The following PCM1 variants were observed in gnomAD, a reference collection of about 807,000 sequenced individuals.
PCM1 encodes pericentriolar material 1, also known as pericentriolar material 1 protein.
In PCM1, 157 loss-of-function variants were observed where a neutral mutation model predicts 241.9. That is an observed-to-expected ratio of 0.65 (90% CI 0.57 to 0.74). The LOEUF is 0.74. Ranked by LOEUF, PCM1 falls within the 30% of genes least tolerant of loss-of-function variation. The pLI is 0.00. For synonymous variants in PCM1, 1,085 were observed against 784.9 expected, an observed-to-expected ratio of 1.38 and a Z score of -6.39; for missense variants, 3,478 against 2,360.1, an observed-to-expected ratio of 1.47 and a Z score of -9.81.
At chr8:17,940,828 T>C (rs2061792463) in intron 6 of PCM1, among the ~76,000 whole-genome samples, 1 of 152,188 alleles carries the variant, frequency 6.6e-6, no homozygotes, top group Non-Finnish European at 1.5e-5. Context: ...GCTAGGGTGT[T>C]TTTAGGCATT....
chr8:17,950,464 A>G (rs2065613518), intron 7 of PCM1, 151 bp from the exon 8 acceptor site: 2 of 578,322 alleles, frequency 3.5e-6, no homozygotes, highest in East Asian at 2.9e-5. Context: ...TAATAAAATG[A>G]TTGTTGGCAG....
intron 29 of PCM1, among the ~76,000 whole-genome samples, chr8:17,994,053 C>T (rs1177820162): frequency 6.6e-6 from 1 of 152,134 alleles, no homozygotes; most frequent in Non-Finnish European, 1.5e-5. Flanking sequence ...TCCAGTTATA[C>T]TCTTTTAGTT....
Position 18,025,648 on chromosome 8 carries a change from A to G in PCM1, c.6039A>G (p.Leu2013=), listed in dbSNP as rs368370125. 33 of 1,534,216 alleles carry G rather than the reference A, an allele frequency of 2.2e-5. No homozygotes were observed. The highest frequency in any genetic ancestry group is 2.7e-5 in the African/African-American group (2 of 73,082). ...TEELAGNSET[L]KEPETVGAQS... ...AATTAGCTGGAAATTCTGAGACACT[A>G]AAAGAACCTGGTAAGAGTTATCAAT... The change falls in exon 38 of 39, where the codon CTA becomes CTG. Residue 2013 remains leucine, a synonymous_variant. Transcript: ENST00000325083.
At chr8:17,954,165 C>T (rs1016542856) in intron 9 of PCM1, among the ~76,000 whole-genome samples, 5 of 152,128 alleles carry the variant, frequency 3.3e-5, no homozygotes, top group South Asian at 2.1e-4. Context: ...TGGTGGCTCA[C>T]GCCTGTAATC....
rs894897690 is a variant in PCM1 at position 17,964,769 on chromosome 8, G to C, written c.2855+1G>C. On this transcript the variant is annotated splice_donor_variant, in intron 18 of 38. Transcript: ENST00000325083. LOFTEE classifies it high-confidence loss of function. ...ACAATGGAAAGGAAACTAAAAATAGGTTAGTTTCAGTATTTTAATTTTGTG... is the reference window on the plus strand; with the variant it reads ...ACAATGGAAAGGAAACTAAAAATAGCTTAGTTTCAGTATTTTAATTTTGTG... The C allele has an allele frequency of 6.2e-7, 1 of 1,600,050 alleles. No individual in the cohort carries two copies. Among genetic ancestry groups the C allele is most frequent in the East Asian group, 2.2e-5 (1 of 44,808 alleles).
At chr8:17,984,270 T>C in intron 24 of PCM1, among the ~76,000 whole-genome samples, 1 of 152,194 alleles carries the variant, frequency 6.6e-6, no homozygotes, top group Non-Finnish European at 1.5e-5. Flanking sequence ...AACTGCAATA[T>C]AGTATATAAG....
chr8:17,942,297 T>A (rs1358869300), intron 6 of PCM1, among the ~76,000 whole-genome samples: 1 of 152,024 alleles, frequency 6.6e-6, no homozygotes, highest in African/African-American at 2.4e-5. Flanking sequence ...CGAAACCCTG[T>A]CTCTACTAAA....
chr8:17,945,703 C>T (rs369777240), intron 6 of PCM1, among the ~76,000 whole-genome samples: 4 of 152,108 alleles, frequency 2.6e-5, no homozygotes, highest in Non-Finnish European at 4.4e-5. Context: ...AAGGATGTCA[C>T]CCAGAAGGGA....
chr8:18,000,272 G>A (rs190552558), intron 29 of PCM1, among the ~76,000 whole-genome samples: 1 of 152,228 alleles, frequency 6.6e-6, no homozygotes, highest in African/African-American at 2.4e-5. Context: ...TGAAAGGGAG[G>A]CAAGGGCTAA....
At position 17,957,410 on chromosome 8, in the gene PCM1, C is replaced by T. The variant is rs746132829; in HGVS notation, c.1793C>T (p.Pro598Leu). 6 of 1,612,162 alleles carry T rather than the reference C, an allele frequency of 3.7e-6. 1 individual carries two copies. In the South Asian group the frequency reaches 5.5e-5, roughly 15 times the overall value. ...GCCAACATAAGGGCTCTAAACATGC[C>T]TCCTTCTTTAGGTATGACTGACTGT... ...SAANIRALNM[P>L]PSLDCRYNRE... The change falls in exon 12 of 39, where the codon CCT becomes CTT. Residue 598 changes from proline to leucine, a missense_variant. Coordinates refer to ENST00000325083, the MANE Select transcript of PCM1 (RefSeq NM_006197.4).
chr8:17,994,827 T>C (rs2086065518), intron 29 of PCM1, among the ~76,000 whole-genome samples: 1 of 151,528 alleles, frequency 6.6e-6, no homozygotes, highest in Admixed American at 6.6e-5. Flanking sequence ...CATTTGTATG[T>C]CGTCTTTTGA....
intron 30 of PCM1, among the ~76,000 whole-genome samples, chr8:18,006,788 G>C (rs1009509499): frequency 6.6e-6 from 1 of 152,160 alleles, no homozygotes; most frequent in Admixed American, 6.5e-5. Context: ...TGGTTGTAGA[G>C]ACTTTTTAGG....
At chr8:18,025,338 T>G (rs1185571711) in intron 36 of PCM1, 23 bp from the exon 37 acceptor site, 1 of 1,245,084 alleles carries the variant, frequency 8.0e-7, no homozygotes, top group South Asian at 1.3e-5. Context: ...GAGTATGTAT[T>G]TTTTTTTTTC....
intron 29 of PCM1, among the ~76,000 whole-genome samples, chr8:18,001,467 C>G (rs1220835680): frequency 6.6e-6 from 1 of 152,154 alleles, no homozygotes; most frequent in African/African-American, 2.4e-5. Flanking sequence ...TTGATAGTAT[C>G]AGACTGGTAA....
At chr8:17,986,926 G>A (rs1375701973) in intron 26 of PCM1, among the ~76,000 whole-genome samples, 4 of 151,764 alleles carry the variant, frequency 2.6e-5, no homozygotes, top group Non-Finnish European at 4.4e-5. Context: ...TTAATACTAA[G>A]TTTTTTCTGA....
rs190707548 is a variant in PCM1 at position 17,956,472 on chromosome 8, G to A, written c.1473-132G>A. 350 of 622,070 alleles carry A rather than the reference G, an allele frequency of 5.6e-4. No individual in the cohort carries two copies. The African/African-American group carries it at 6.0e-3, about 11-fold the overall frequency. The allele number at this position is 622,070 out of a possible 1,614,324, so 38.5% of individuals were successfully genotyped here. A position where few individuals can be genotyped will look rare whatever the true frequency, so the allele number is the denominator to read the frequency against. The stretch of plus-strand genomic sequence containing the variant: ...TCATTATTTTACAGTCATACCCCCT[G>A]GAGAGTTCACTAGGTGGATATTCCA... On this transcript the variant is annotated intron_variant, in intron 10 of 38. Transcript: ENST00000325083.
chr8:17,923,822 A>G (rs889108580), intron 1 of PCM1, among the ~76,000 whole-genome samples: 1 of 151,722 alleles, frequency 6.6e-6, no homozygotes, highest in African/African-American at 2.4e-5. Flanking sequence ...CTACCTATCT[A>G]GTTAGAATTG....
Position 18,029,377 on chromosome 8 carries a change from A to G in PCM1, c.*1715A>G, listed in dbSNP as rs966791821. On this transcript the variant is annotated 3_prime_UTR_variant, in exon 39 of 39. Coordinates refer to ENST00000325083, the MANE Select transcript of PCM1 (RefSeq NM_006197.4). ...CAGGTGCTCTAACTAACTTCAGGGA[A>G]ATTGGAACAATAAGTTATGTTACAT... 9.3e-6 allele frequency: 2 copies of G among 214,414 alleles called. No individual in the cohort carries two copies. The highest frequency in any genetic ancestry group is 1.9e-5 in the Non-Finnish European group (2 of 106,660). 13.3% of individuals were successfully genotyped at this position (214,414 alleles called of 1,614,324 possible).
intron 23 of PCM1, among the ~76,000 whole-genome samples, chr8:17,976,272 C>T (rs1587550743): frequency 6.6e-6 from 1 of 152,204 alleles, no homozygotes; most frequent in Non-Finnish European, 1.5e-5. Context: ...TTGTCTCACA[C>T]TTGAAAAGAG....
Sources: allele counts gnomAD v4.1 joint callset (sites outside exome capture counted in the v4.1 genomes callset), GRCh38; gene constraint gnomAD v4.1.1; transcripts MANE v1.5; gene names NCBI Gene and HGNC (gene_info 2026-07-23, HGNC 2026-07-21).